The following SNTG2 variants were observed in gnomAD, a reference collection of about 807,000 sequenced individuals.
SNTG2 encodes the protein syntrophin gamma 2.
SNTG2 carries 74 observed loss-of-function variants against 70.9 expected under a neutral mutation model. The ratio of observed to expected loss-of-function variants is 1.04; its 90% CI spans 0.86 to 1.27. The LOEUF is 1.27. Ranked by LOEUF, SNTG2 falls within the 50% of genes most tolerant of loss-of-function variation. The pLI is 0.00. For synonymous variants in SNTG2, 278 were observed against 273.8 expected, an observed-to-expected ratio of 1.02 and a Z score of -0.15; for missense variants, 717 against 690.7, an observed-to-expected ratio of 1.04 and a Z score of -0.43.
chr2:1,028,555 G>A (rs1167549648), intron 1 of SNTG2, among the ~76,000 whole-genome samples: 3 of 152,266 alleles, frequency 2.0e-5, no homozygotes, highest in South Asian at 2.1e-4. Flanking sequence ...CACTTACAAT[G>A]TCCAAACCTT....
Position 1,165,594 on chromosome 2 carries a change from A to G in SNTG2, c.458A>G (p.Glu153Gly), listed in dbSNP as rs1670654666. 6.2e-7 allele frequency: 1 copy of G among 1,613,010 alleles called. No homozygotes were observed. The highest frequency in any genetic ancestry group is 1.7e-5 in the Admixed American group (1 of 59,874). Residue 153 changes from glutamate to glycine, a missense_variant, in exon 7 of 17, where the codon GAG (glutamate) becomes GGG (glycine). Transcript: ENST00000308624. ...GGCGATGAAGTTACCATCACCGTTG[A>G]GTATCTCAGGGAAGCGCCGGCATTT... ...NAGDEVTITV[E>G]YLREAPAFLK... is the part of the protein sequence containing the mutation.
intron 9 of SNTG2, among the ~76,000 whole-genome samples, chr2:1,229,297 C>T (rs552156446): frequency 3.9e-5 from 4 of 102,226 alleles, no homozygotes; most frequent in South Asian, 4.3e-4. Flanking sequence ...AGGTTCTCCA[C>T]GTTCCCATCA....
chr2:1,353,962 G>A lies in SNTG2; in HGVS notation c.1489-13381G>A, dbSNP rs983964940. ...GTGGGAAAGAAAAAACGTTTTCTCCGGTGATGGGTGACCTCACCGTTCACA... is the reference window on the plus strand; with the variant it reads ...GTGGGAAAGAAAAAACGTTTTCTCCAGTGATGGGTGACCTCACCGTTCACA... On this transcript the variant is annotated intron_variant, in intron 16 of 16. Coordinates refer to ENST00000308624, the MANE Select transcript of SNTG2 (RefSeq NM_018968.4). The surrounding 1 kb of genome is among the most constrained non-coding windows in gnomAD (Gnocchi z 4.2). The A allele has an allele frequency of 6.6e-6, 1 of 152,124 alleles. No individual in the cohort carries two copies. Among genetic ancestry groups the A allele is most frequent in the Non-Finnish European group, 1.5e-5 (1 of 68,030 alleles). The allele number at this position is 152,124 out of a possible 1,614,324, so 9.4% of individuals were successfully genotyped here. A position where few individuals can be genotyped will look rare whatever the true frequency, so the allele number is the denominator to read the frequency against.
intron 1 of SNTG2, among the ~76,000 whole-genome samples, chr2:1,069,502 A>AC (rs397966880): frequency 1.3e-5 from 2 of 149,708 alleles, no homozygotes; most frequent in East Asian, 2.0e-4. Context: ...AAAAAAAAAA[A>AC]CAAAAACAGG....
intron 9 of SNTG2, among the ~76,000 whole-genome samples, chr2:1,210,035 C>G (rs149566540): frequency 9.6e-4 from 146 of 152,192 alleles, no homozygotes; most frequent in African/African-American, 3.3e-3. Flanking sequence ...GATGGGCAGA[C>G]AGTACAACCT....
At chr2:1,254,722 C>T (rs1284213305) in intron 12 of SNTG2, among the ~76,000 whole-genome samples, 1 of 152,116 alleles carries the variant, frequency 6.6e-6, no homozygotes, top group Non-Finnish European at 1.5e-5. Context: ...CAAGTGTGGC[C>T]AGATACTTAG....
In SNTG2 at chr2:1,082,349, C is replaced by T. The variant is rs1403079760; in HGVS notation, c.73-1169C>T. ...ATCTTACCTGATGAACTCCGGATCT[C>T]TGGGGCAGACGCAGGCGCTGGGGCT... is the stretch of plus-strand genomic sequence containing the variant. On this transcript the variant is annotated intron_variant, in intron 1 of 16. Transcript: ENST00000308624. Among the ~76,000 whole-genome samples, 3 of 152,188 alleles carry T rather than the reference C, an allele frequency of 2.0e-5. No homozygotes were observed. The East Asian group carries it at 5.8e-4, about 29-fold the overall frequency.
intron 8 of SNTG2, among the ~76,000 whole-genome samples, chr2:1,207,451 T>G (rs1673706553): frequency 2.0e-5 from 3 of 152,196 alleles, no homozygotes; most frequent in Admixed American, 1.3e-4. Context: ...CATCTGTAGA[T>G]GGCGATGCCG....
chr2:1,291,755 T>G (rs1680003178), intron 14 of SNTG2, among the ~76,000 whole-genome samples: 1 of 152,344 alleles, frequency 6.6e-6, no homozygotes. Context: ...AGCTTTGCAG[T>G]AAGTTTTGAA....
rs1324021158 is a variant in SNTG2 at position 1,222,119 on chromosome 2, C to CTCTCTGTCTCTGTCTCTCTCTCTG, written c.719+12900_719+12901insGTCTCTCTCTCTGTCTCTGTCTCT. Among the ~76,000 whole-genome samples, 23 of 107,718 alleles carry CTCTCTGTCTCTGTCTCTCTCTCTG rather than the reference C, an allele frequency of 2.1e-4. 4 individuals are homozygous for CTCTCTGTCTCTGTCTCTCTCTCTG. The highest frequency in any genetic ancestry group is 4.7e-4 in the Admixed American group (5 of 10,650). 70.7% of individuals were successfully genotyped at this position (107,718 alleles called of 152,430 possible). On this transcript the variant is annotated intron_variant, in intron 9 of 16. Transcript: ENST00000308624. ...TGTCTCTCTCTGTCTCTCTCTGTCTCTCTCTGTCTCTCTCTGTCTCTCTCT... is the reference window on the plus strand; with the variant it reads ...TGTCTCTCTCTGTCTCTCTCTGTCTCTCTCTGTCTCTGTCTCTCTCTCTGTCTCTGTCTCTCTCTGTCTCTCTCT...
At chr2:1,159,115 CGTGT>C (rs1670100744) in intron 6 of SNTG2, among the ~76,000 whole-genome samples, 1 of 11,148 alleles carries the variant, frequency 9.0e-5, no homozygotes, top group East Asian at 6.7e-4. Flanking sequence ...CCTGTGTGTT[CGTGT>C]GTGTGTATGC....
intron 11 of SNTG2, chr2:1,242,857 A>G (rs975858307): frequency 1.3e-5 from 2 of 152,220 alleles, no homozygotes; most frequent in African/African-American, 4.8e-5. Context: ...GATAAAAAAT[A>G]TATTTCTTTA....
At chr2:951,342 C>T (rs1659955020) in intron 1 of SNTG2, among the ~76,000 whole-genome samples, 1 of 152,228 alleles carries the variant, frequency 6.6e-6, no homozygotes, top group South Asian at 2.1e-4. Context: ...TTGAGGCGCC[C>T]GGGCTTCCCT....
Position 1,106,089 on chromosome 2 carries a change from G to A in SNTG2, c.325+7679G>A, listed in dbSNP as rs1346312912. Among the ~76,000 whole-genome samples the A allele has an allele frequency of 3.6e-5, 5 of 139,510 alleles. 1 individual carries two copies. Among genetic ancestry groups the A allele is most frequent in the South Asian group, 2.6e-4 (1 of 3,830 alleles). The allele number at this position is 139,510 out of a possible 152,430, so 91.5% of individuals were successfully genotyped here. A position where few individuals can be genotyped will look rare whatever the true frequency, so the allele number is the denominator to read the frequency against. On this transcript the variant is annotated intron_variant, in intron 4 of 16. Transcript: ENST00000308624. ...TAATAGTGGACACCTGCTGTCACTC[G>A]GGTGCAGGGTATGGAGAGCTCCTTG...
At chr2:987,293 G>A (rs771154638) in intron 1 of SNTG2, among the ~76,000 whole-genome samples, 6 of 152,300 alleles carry the variant, frequency 3.9e-5, no homozygotes, top group East Asian at 1.9e-4. Context: ...ATGGCACACT[G>A]CAGGTGTGGT....
rs1662091079 is a variant in SNTG2 at position 1,051,828 on chromosome 2, C to T, written c.73-31690C>T. Among the ~76,000 whole-genome samples, 2 of 152,200 alleles carry T rather than the reference C, an allele frequency of 1.3e-5. 1 individual carries two copies. Among genetic ancestry groups the T allele is most frequent in the South Asian group, 4.1e-4 (2 of 4,830 alleles). On this transcript the variant is annotated intron_variant, in intron 1 of 16. Transcript: ENST00000308624. ...CAGCTGGGCTGCAGTCTCTGCAGGA[C>T]CCGGAGCCAGAAGCACTCAGCTGGG...
At chr2:1,155,174 C>CACACACACACACACACACACA (rs376428558) in intron 6 of SNTG2, among the ~76,000 whole-genome samples, 1 of 146,618 alleles carries the variant, frequency 6.8e-6, no homozygotes, top group African/African-American at 2.5e-5. Flanking sequence ...CGTAGACCCC[C>CACACACACACACACACACACA]CCCCCACACA....
At chr2:1,310,253 T>A (rs1680914706) in intron 15 of SNTG2, among the ~76,000 whole-genome samples, 1 of 152,134 alleles carries the variant, frequency 6.6e-6, no homozygotes, top group African/African-American at 2.4e-5. Flanking sequence ...AGCGAAACGC[T>A]GGCCCACCGG....
chr2:1,342,279 CTG>C (rs1271439149), intron 16 of SNTG2, among the ~76,000 whole-genome samples: 55 of 109,858 alleles, frequency 5.0e-4, no homozygotes, highest in African/African-American at 2.3e-3. Flanking sequence ...AGCTCCTGCT[CTG>C]TAGGACAGCA....
Sources: allele counts gnomAD v4.1 joint callset (sites outside exome capture counted in the v4.1 genomes callset), GRCh38; gene constraint gnomAD v4.1.1; non-coding constraint Gnocchi (gnomAD v3.1); transcripts MANE v1.5; gene names NCBI Gene and HGNC (gene_info 2026-07-23, HGNC 2026-07-21).